Variants in MACC1 observed in about 807,000 individuals in gnomAD.
MACC1 encodes metastasis-associated in colon cancer protein 1.
In MACC1, 79 loss-of-function variants were observed where a neutral mutation model predicts 70.7. The observed-to-expected ratio is 1.12, with a 90% CI of 0.93 to 1.35. MACC1 has a LOEUF of 1.35. Ranked by LOEUF, MACC1 falls within the 40% of genes most tolerant of loss-of-function variation. MACC1 has a pLI of 0.00. For missense variants in MACC1, 1,106 were observed against 978.1 expected (o/e 1.13, Z -1.74); for synonymous variants, 361 against 347.2 (o/e 1.04, Z -0.44).
At chr7:20,186,467 A>G (rs943116637) in intron 1 of MACC1, among the ~76,000 whole-genome samples, 8 of 152,210 alleles carry the variant, frequency 5.3e-5, no homozygotes, top group African/African-American at 1.9e-4. Flanking sequence ...GGCACCATAA[A>G]AAATGTAGCA....
chr7:20,149,177 A>G (rs1459077954), intron 6 of MACC1, among the ~76,000 whole-genome samples: 1 of 152,184 alleles, frequency 6.6e-6, no homozygotes, highest in African/African-American at 2.4e-5. Context: ...ATTTTTTTCC[A>G]TGCATTGCTA....
intron 1 of MACC1, among the ~76,000 whole-genome samples, chr7:20,201,712 A>G (rs1053292829): frequency 1.3e-5 from 2 of 152,198 alleles, no homozygotes; most frequent in Admixed American, 6.5e-5. Context: ...TGGTTGTAAG[A>G]ATGGAGAGAA....
intron 1 of MACC1, among the ~76,000 whole-genome samples, chr7:20,186,815 T>C (rs1278427873): frequency 1.3e-5 from 2 of 152,310 alleles, no homozygotes; most frequent in Admixed American, 6.5e-5. Flanking sequence ...ACAAAATTAA[T>C]TATAAAACAT....
intron 1 of MACC1, among the ~76,000 whole-genome samples, chr7:20,192,677 C>G (rs138017304): frequency 1.2e-4 from 18 of 152,336 alleles, no homozygotes; most frequent in African/African-American, 4.3e-4. Context: ...TTTTGAGCCA[C>G]TAAGTTTTGG....
At chr7:20,147,354 A>T (rs1412607329) in intron 6 of MACC1, 1 of 152,212 alleles carries the variant, frequency 6.6e-6, no homozygotes, top group East Asian at 1.9e-4. Flanking sequence ...ATTGGTTTTA[A>T]CTACTTTTGG....
rs1554287092 is a variant in MACC1 at position 20,140,884 on chromosome 7, G to GAT, written c.*61_*62insAT. The GAT allele has an allele frequency of 4.1e-6, 4 of 985,002 alleles. No individual in the cohort carries two copies. Among genetic ancestry groups the GAT allele is most frequent in the Non-Finnish European group, 6.0e-6 (4 of 668,576 alleles). The allele number at this position is 985,002 out of a possible 1,614,324, so 61.0% of individuals were successfully genotyped here. A position where few individuals can be genotyped will look rare whatever the true frequency, so the allele number is the denominator to read the frequency against. On this transcript the variant is annotated 3_prime_UTR_variant, in exon 7 of 7. Coordinates refer to ENST00000400331, the MANE Select transcript of MACC1 (RefSeq NM_182762.4). Reference sequence around the variant, plus strand: ...ACAGAGACACACACAGACACACACAGACACACACACACACACACCATTACC... The same window carrying GAT: ...ACAGAGACACACACAGACACACACAGATACACACACACACACACACCATTACC...
intron 1 of MACC1, among the ~76,000 whole-genome samples, chr7:20,194,383 A>G (rs1009500056): frequency 2.0e-5 from 3 of 152,202 alleles, no homozygotes; most frequent in Non-Finnish European, 2.9e-5. Flanking sequence ...AAACATGACC[A>G]CAAAGGAGTA....
At chr7:20,167,866 A>G (rs574126269) in intron 2 of MACC1, among the ~76,000 whole-genome samples, 1 of 152,258 alleles carries the variant, frequency 6.6e-6, no homozygotes, top group East Asian at 1.9e-4. Flanking sequence ...CCATCTTGAA[A>G]TACCTAATAT....
At chr7:20,214,582 A>G (rs932964306) in intron 1 of MACC1, among the ~76,000 whole-genome samples, 1 of 152,216 alleles carries the variant, frequency 6.6e-6, no homozygotes, top group Non-Finnish European at 1.5e-5. Flanking sequence ...ATAAATAGGC[A>G]ATAACTATAT....
rs1305023082 is a variant in MACC1 at position 20,137,445 on chromosome 7, T to C, written c.*3501A>G. Reference sequence around the variant, plus strand: ...TGAATGCTTCTACTTAATTGTTTCATATAAAGGCTTTAACACAAAGGAGGT... The same window carrying C: ...TGAATGCTTCTACTTAATTGTTTCACATAAAGGCTTTAACACAAAGGAGGT... On this transcript the variant is annotated 3_prime_UTR_variant, in exon 7 of 7. Transcript: ENST00000400331. 1 of 152,236 alleles carries C rather than the reference T, an allele frequency of 6.6e-6. No individual in the cohort carries two copies. The highest frequency in any genetic ancestry group is 1.5e-5 in the Non-Finnish European group (1 of 68,040). The allele number at this position is 152,236 out of a possible 1,614,324, so 9.4% of individuals were successfully genotyped here. A position where few individuals can be genotyped will look rare whatever the true frequency, so the allele number is the denominator to read the frequency against.
intron 1 of MACC1, among the ~76,000 whole-genome samples, chr7:20,173,981 G>A (rs926059213): frequency 2.0e-5 from 3 of 152,122 alleles, no homozygotes; most frequent in Non-Finnish European, 4.4e-5. Context: ...ATTGGTTTGG[G>A]TGTATGGTTT....
At chr7:20,208,842 G>C (rs759468823) in intron 1 of MACC1, among the ~76,000 whole-genome samples, 3 of 152,168 alleles carry the variant, frequency 2.0e-5, no homozygotes, top group Non-Finnish European at 4.4e-5. Context: ...TCGTGGGCAG[G>C]GCCAAGGGCC....
Position 20,159,115 on chromosome 7 carries a change from CA to C in MACC1, c.1245del (p.Val416CysfsTer18). On this transcript the variant is annotated frameshift_variant, in exon 5 of 7. Coordinates refer to ENST00000400331, the MANE Select transcript of MACC1 (RefSeq NM_182762.4). LOFTEE classifies it high-confidence loss of function. ...GACTGCTTCCCCCAGAGCTGAAACA[CA>C]ACTGGAGATATGTTTTTTCCACCCT... Reference protein sequence around the residue: ...IKKGGKNISPVVFQLWGKQSF... With the variant: ...IKKGGKNISPXVFQLWGKQSF... 1 of 1,613,646 alleles carries C rather than the reference CA, an allele frequency of 6.2e-7. No homozygotes were observed. Among genetic ancestry groups the C allele is most frequent in the Non-Finnish European group, 8.5e-7 (1 of 1,179,956 alleles).
chr7:20,195,052 G>A (rs555975240), intron 1 of MACC1, among the ~76,000 whole-genome samples: 1 of 151,904 alleles, frequency 6.6e-6, no homozygotes, highest in East Asian at 1.9e-4. Flanking sequence ...TCAAAGTCTG[G>A]GGATAGGAAA....
In MACC1 at chr7:20,159,047, A is replaced by G. The variant is rs780184760; in HGVS notation, c.1314T>C (p.Phe438=). ...TTACTTCAAAATCAGGATCACAGGA[A>G]AAAATAGAAATACTTAAATCTTGTG... The part of the protein sequence containing the change: ...DKPQDLSISI[F]SCDPDFEVKT... Residue 438 remains phenylalanine, a synonymous_variant, in exon 5 of 7, where the codon TTT becomes TTC. Coordinates refer to ENST00000400331, the MANE Select transcript of MACC1 (RefSeq NM_182762.4). 4.3e-6 allele frequency: 7 copies of G among 1,613,652 alleles called. No individual in the cohort carries two copies. The Admixed American group carries it at 1.2e-4, about 27-fold the overall frequency.
At chr7:20,148,026 A>G (rs573114767) in intron 6 of MACC1, among the ~76,000 whole-genome samples, 1 of 152,284 alleles carries the variant, frequency 6.6e-6, no homozygotes, top group Admixed American at 6.5e-5. Context: ...AAACATTAAA[A>G]CAAATGAAAA....
intron 6 of MACC1, among the ~76,000 whole-genome samples, chr7:20,142,577 C>A (rs1781822217): frequency 6.6e-6 from 1 of 152,188 alleles, no homozygotes; most frequent in South Asian, 2.1e-4. Context: ...AATGAGGCAT[C>A]TGCTCATCTA....
chr7:20,163,798 T>C (rs1362350551), intron 3 of MACC1, among the ~76,000 whole-genome samples: 1 of 152,206 alleles, frequency 6.6e-6, no homozygotes, highest in East Asian at 1.9e-4. Context: ...CGGAAGTTAC[T>C]TGTTCATGTT....
intron 1 of MACC1, among the ~76,000 whole-genome samples, chr7:20,184,045 T>C (rs1450467271): frequency 6.6e-6 from 1 of 152,150 alleles, no homozygotes; most frequent in Non-Finnish European, 1.5e-5. Context: ...CTCACTTCAT[T>C]GGGTCCTTCT....
Sources: allele counts gnomAD v4.1 joint callset (sites outside exome capture counted in the v4.1 genomes callset), GRCh38; gene constraint gnomAD v4.1.1; transcripts MANE v1.5; gene names NCBI Gene and HGNC (gene_info 2026-07-23, HGNC 2026-07-21).